AIG1: variants seen among roughly 807,000 people sequenced by gnomAD.
AIG1 encodes androgen induced 1.
In AIG1, 23 loss-of-function variants were observed where a neutral mutation model predicts 31.4. The observed-to-expected ratio is 0.73, with a 90% confidence interval of 0.53 to 1.04. The LOEUF is 1.04. Ranked by LOEUF, AIG1 falls within the 50% of genes least tolerant of loss-of-function variation. The probability of loss-of-function intolerance (pLI) is 0.00; values close to 1 mark genes in which losing one functional copy is unlikely to be tolerated. For missense variants in AIG1, 274 were observed against 295.0 expected (o/e 0.93, Z 0.52); for synonymous variants, 100 against 110.5 (o/e 0.90, Z 0.60).
chr6:143,098,295 A>G (rs372741632), intron 1 of AIG1, among the ~76,000 whole-genome samples: 14 of 152,218 alleles, frequency 9.2e-5, no homozygotes, highest in Non-Finnish European at 1.9e-4. Context: ...TTTTACTTAC[A>G]TAACTCACAG....
intron 4 of AIG1, among the ~76,000 whole-genome samples, chr6:143,318,775 TCAG>T (rs1775964179): frequency 6.9e-6 from 1 of 145,802 alleles, no homozygotes; most frequent in Admixed American, 6.8e-5. Flanking sequence ...CTCAAAGAAA[TCAG>T]CAAGGAAAAA....
At chr6:143,118,524 TA>T (rs550071863) in intron 1 of AIG1, among the ~76,000 whole-genome samples, 329 of 150,566 alleles carry the variant, frequency 2.2e-3, no homozygotes, top group African/African-American at 7.8e-3. Flanking sequence ...AACATTAAGG[TA>T]AAAAAAAATA....
At chr6:143,063,347 G>A (rs993961095) in intron 1 of AIG1, among the ~76,000 whole-genome samples, 7 of 152,180 alleles carry the variant, frequency 4.6e-5, no homozygotes, top group Non-Finnish European at 8.8e-5. Context: ...TTTAGCCAGC[G>A]TTGTAATTTT....
At chr6:143,187,907 T>C in intron 3 of AIG1, 1 of 1,354,980 alleles carries the variant, frequency 7.4e-7, no homozygotes, top group African/African-American at 1.5e-5. Context: ...TGGTGTTGGA[T>C]GAACATGAAT....
intron 4 of AIG1, among the ~76,000 whole-genome samples, chr6:143,332,529 C>G: frequency 6.6e-6 from 1 of 152,172 alleles, no homozygotes; most frequent in East Asian, 1.9e-4. Flanking sequence ...ATCAATGTCA[C>G]ATCTGAAGAT....
intron 3 of AIG1, among the ~76,000 whole-genome samples, chr6:143,182,985 C>T (rs1220385158): frequency 6.6e-6 from 1 of 152,228 alleles, no homozygotes; most frequent in African/African-American, 2.4e-5. Context: ...ATCCTGCACA[C>T]ATGACCTGCT....
At chr6:143,116,458 A>G (rs141746947) in intron 1 of AIG1, among the ~76,000 whole-genome samples, 55 of 152,138 alleles carry the variant, frequency 3.6e-4, no homozygotes, top group East Asian at 1.7e-3. Flanking sequence ...AATAAAATAT[A>G]CAAAAATCCC....
In AIG1 at chr6:143,284,364, C is replaced by G. The variant is rs1301959877; in HGVS notation, c.515+139C>G. 1 of 589,066 alleles carries G rather than the reference C, an allele frequency of 1.7e-6. No homozygotes were observed. Among genetic ancestry groups the G allele is most frequent in the Non-Finnish European group, 3.0e-6 (1 of 335,698 alleles). The allele number at this position is 589,066 out of a possible 1,614,324, so 36.5% of individuals were successfully genotyped here. A position where few individuals can be genotyped will look rare whatever the true frequency, so the allele number is the denominator to read the frequency against. On this transcript the variant is annotated intron_variant, in intron 4 of 5. Coordinates refer to ENST00000357847, the MANE Select transcript of AIG1 (RefSeq NM_016108.4). The surrounding 1 kb of genome is among the most constrained non-coding windows in gnomAD (Gnocchi z 4.4). The stretch of plus-strand genomic sequence containing the variant: ...TTGGTCCAAGACCTGGGCTTTGTCT[C>G]GTTTCCCCAGATGCTTATATTTTTA...
At chr6:143,219,402 C>T (rs1419104701) in intron 3 of AIG1, among the ~76,000 whole-genome samples, 1 of 152,060 alleles carries the variant, frequency 6.6e-6, no homozygotes, top group African/African-American at 2.4e-5. Flanking sequence ...CCTAAGAGGT[C>T]GAGGCTGCCG....
intron 4 of AIG1, among the ~76,000 whole-genome samples, chr6:143,308,493 A>G (rs1410389215): frequency 1.3e-5 from 2 of 152,188 alleles, no homozygotes; most frequent in Non-Finnish European, 2.9e-5. Context: ...ATTGTCTAAA[A>G]TAAATGCATT....
At chr6:143,312,365 A>G (rs1165029309) in intron 4 of AIG1, among the ~76,000 whole-genome samples, 1 of 152,140 alleles carries the variant, frequency 6.6e-6, no homozygotes, top group African/African-American at 2.4e-5. Context: ...AAGCTGACAC[A>G]GATCAATGAA....
At chr6:143,102,634 A>G (rs946852287) in intron 1 of AIG1, among the ~76,000 whole-genome samples, 11 of 150,244 alleles carry the variant, frequency 7.3e-5, no homozygotes, top group Admixed American at 4.7e-4. Context: ...TTAATTGTCT[A>G]TCATTGCATT....
chr6:143,192,808 AGTT>A (rs1163167940), intron 3 of AIG1, among the ~76,000 whole-genome samples: 1 of 152,218 alleles, frequency 6.6e-6, no homozygotes, highest in Admixed American at 6.5e-5. Flanking sequence ...TTTTATAAAA[AGTT>A]GTTGTATGAA....
At chr6:143,336,329 G>C (rs1021749072) in intron 5 of AIG1, among the ~76,000 whole-genome samples, 1 of 152,116 alleles carries the variant, frequency 6.6e-6, no homozygotes, top group Non-Finnish European at 1.5e-5. Flanking sequence ...TGCTGAAAGA[G>C]AGATTGGAAA....
chr6:143,190,497 T>C (rs1179326233), intron 3 of AIG1: 1 of 983,444 alleles, frequency 1.0e-6, no homozygotes, highest in African/African-American at 1.7e-5. Flanking sequence ...ATCTTCACTT[T>C]TAAGTTATGT....
At chr6:143,153,435 C>T (rs997698036) in intron 2 of AIG1, among the ~76,000 whole-genome samples, 3 of 152,180 alleles carry the variant, frequency 2.0e-5, no homozygotes, top group African/African-American at 4.8e-5. Flanking sequence ...GCAAGCTCCA[C>T]CTCCCGGGTT....
rs368602905 is a variant in AIG1 at position 143,105,312 on chromosome 6, C to T, written c.142-31523C>T. On this transcript the variant is annotated intron_variant, in intron 1 of 5. Transcript: ENST00000357847. ...GAAGACCCTGCATGGCCCTCAGAAGCGGGTGTGAGTAGTGTTCAAGATGAG... is the reference window on the plus strand; with the variant it reads ...GAAGACCCTGCATGGCCCTCAGAAGTGGGTGTGAGTAGTGTTCAAGATGAG... Among the ~76,000 whole-genome samples the T allele has an allele frequency of 2.9e-4, 44 of 152,248 alleles. No homozygotes were observed. The South Asian group carries it at 6.6e-3, about 23-fold the overall frequency.
intron 1 of AIG1, among the ~76,000 whole-genome samples, chr6:143,083,866 G>A (rs1212578580): frequency 1.3e-5 from 2 of 152,160 alleles, no homozygotes; most frequent in South Asian, 2.1e-4. Flanking sequence ...GACAACAAAC[G>A]TGTGTTCCTT....
chr6:143,315,477 T>C (rs1431527805), intron 4 of AIG1, among the ~76,000 whole-genome samples: 2 of 151,974 alleles, frequency 1.3e-5, no homozygotes, highest in African/African-American at 4.8e-5. Context: ...AATAGACACA[T>C]AGACCAATGG....
Sources: allele counts gnomAD v4.1 joint callset (sites outside exome capture counted in the v4.1 genomes callset), GRCh38; gene constraint gnomAD v4.1.1; non-coding constraint Gnocchi (gnomAD v3.1); transcripts MANE v1.5; gene names NCBI Gene and HGNC (gene_info 2026-07-23, HGNC 2026-07-21).